The following FAM219A variants were observed in gnomAD, a reference collection of about 807,000 sequenced individuals.
The protein encoded by FAM219A is family with sequence similarity 219 member A, also known as protein FAM219A.
Under a neutral mutation model 23.4 loss-of-function variants are expected in FAM219A, and 7 were observed. That is an observed-to-expected ratio of 0.30 (90% CI 0.17 to 0.56). FAM219A has a LOEUF of 0.56. FAM219A is among the 20% of genes least tolerant of loss of function. The pLI, the probability that FAM219A is intolerant of heterozygous loss-of-function variation, is 0.92. For missense variants in FAM219A, 166 were observed against 246.9 expected (o/e 0.67, Z 2.20); for synonymous variants, 93 against 99.0 (o/e 0.94, Z 0.36).
intron 1 of FAM219A, among the ~76,000 whole-genome samples, chr9:34,423,175 A>G (rs1822341803): frequency 1.3e-5 from 2 of 152,126 alleles, no homozygotes; most frequent in African/African-American, 4.8e-5. Flanking sequence ...TAACAATAAT[A>G]AGGCCCCTGC....
At chr9:34,415,469 A>G (rs1032283153) in intron 1 of FAM219A, among the ~76,000 whole-genome samples, 20 of 152,260 alleles carry the variant, frequency 1.3e-4, no homozygotes, top group African/African-American at 4.6e-4. Context: ...TGTAGCTATG[A>G]AAAGTTTTAT....
At chr9:34,407,093 A>C (rs1821664071) in intron 1 of FAM219A, among the ~76,000 whole-genome samples, 1 of 151,818 alleles carries the variant, frequency 6.6e-6, no homozygotes, top group Non-Finnish European at 1.5e-5. Context: ...GAGCCACCAT[A>C]CCTTGCTAAG....
intron 1 of FAM219A, among the ~76,000 whole-genome samples, chr9:34,441,987 G>T (rs1437677498): frequency 6.6e-6 from 1 of 152,182 alleles, no homozygotes; most frequent in Non-Finnish European, 1.5e-5. Flanking sequence ...GCCACCCAAA[G>T]TGCTGAATTA....
chr9:34,444,274 C>T (rs1288001067), intron 1 of FAM219A, among the ~76,000 whole-genome samples: 3 of 152,146 alleles, frequency 2.0e-5, no homozygotes, highest in South Asian at 2.1e-4. Context: ...GAGAGAATGA[C>T]CTATACATTT....
At chr9:34,447,777 C>T (rs1823423685) in intron 1 of FAM219A, among the ~76,000 whole-genome samples, 1 of 152,178 alleles carries the variant, frequency 6.6e-6, no homozygotes, top group Non-Finnish European at 1.5e-5. Flanking sequence ...TACTCCCTCT[C>T]ACCTGGCCTA....
intron 1 of FAM219A, among the ~76,000 whole-genome samples, chr9:34,421,001 T>TGAGA (rs1330963914): frequency 1.1e-3 from 66 of 60,770 alleles, no homozygotes; most frequent in African/African-American, 4.1e-3. Flanking sequence ...TATGTGTGTG[T>TGAGA]GTGTGTGTGA....
chr9:34,412,888 A>T (rs1821873627), intron 1 of FAM219A, among the ~76,000 whole-genome samples: 1 of 152,170 alleles, frequency 6.6e-6, no homozygotes, highest in African/African-American at 2.4e-5. Context: ...AGAATAGGAG[A>T]TGAAGAAGCA....
intron 1 of FAM219A, among the ~76,000 whole-genome samples, chr9:34,412,619 A>G (rs978549763): frequency 6.8e-6 from 1 of 146,300 alleles, no homozygotes; most frequent in Non-Finnish European, 1.5e-5. Context: ...AAAAAAACCA[A>G]GGGTGAAGTT....
At chr9:34,427,548 G>A (rs897976673) in intron 1 of FAM219A, among the ~76,000 whole-genome samples, 3 of 152,162 alleles carry the variant, frequency 2.0e-5, no homozygotes, top group African/African-American at 7.2e-5. Context: ...TTTAATAAAT[G>A]TTCGTGAAGG....
In FAM219A at chr9:34,416,243, GAAAGAAAGAAA is replaced by G. The variant is rs1564003312; in HGVS notation, c.61-10290_61-10280del. Among the ~76,000 whole-genome samples the G allele has an allele frequency of 8.3e-5, 10 of 120,582 alleles. 1 individual carries two copies. Among genetic ancestry groups the G allele is most frequent in the African/African-American group, 3.1e-4 (10 of 31,914 alleles). The allele number at this position is 120,582 out of a possible 152,430, so 79.1% of individuals were successfully genotyped here. On this transcript the variant is annotated intron_variant, in intron 1 of 5. Transcript: ENST00000651358. ...AGAAAGAAAGAAAGAAAGAAAGAAA[GAAAGAAAGAAA>G]GAAAGGGGGAGGGAGGGAGGGAAGG... is the stretch of plus-strand genomic sequence containing the variant.
Position 34,401,688 on chromosome 9 carries a change from G to A in FAM219A, c.377C>T (p.Ser126Phe). 8.1e-6 allele frequency: 13 copies of A among 1,608,844 alleles called. No individual in the cohort carries two copies. Among genetic ancestry groups the A allele is most frequent in the Non-Finnish European group, 1.0e-5 (12 of 1,178,704 alleles). ...DDDFDMSRYS[S>F]SGYSSAEQIN... is the part of the protein sequence containing the mutation. ...CACCTCAGCAGAGGAGTAGCCGGAG[G>A]AGGAGTATCTAGACATGTCAAAGTC... is the stretch of plus-strand genomic sequence containing the variant. Residue 126 changes from serine to phenylalanine, a missense_variant, in exon 5 of 6, where the codon TCC becomes TTC. By Grantham distance (155) the Ser-to-Phe change is radical. Around this residue, in one of 3 missense-constraint regions of FAM219A, gnomAD observed 72 missense variants for 131.0 expected, o/e 0.55. Coordinates refer to ENST00000651358, the MANE Select transcript of FAM219A (RefSeq NM_001184940.2).
intron 1 of FAM219A, among the ~76,000 whole-genome samples, chr9:34,421,001 T>TGAGAGAGAGAGA (rs1330963914): frequency 6.6e-5 from 4 of 60,808 alleles, no homozygotes; most frequent in African/African-American, 2.7e-4. Flanking sequence ...TATGTGTGTG[T>TGAGAGAGAGAGA]GTGTGTGTGA....
At chr9:34,401,535 C>T (rs1821430418) in intron 5 of FAM219A, 131 bp downstream of exon 5, 1 of 1,036,390 alleles carries the variant, frequency 9.6e-7, no homozygotes, top group Non-Finnish European at 1.4e-6. Context: ...CCAGGCCCAC[C>T]CTGTGCAGGG....
At chr9:34,412,805 C>T (rs1392071730) in intron 1 of FAM219A, among the ~76,000 whole-genome samples, 1 of 152,050 alleles carries the variant, frequency 6.6e-6, no homozygotes, top group Non-Finnish European at 1.5e-5. Context: ...ATAAGAAAGT[C>T]ATAGGTAGTC....
chr9:34,442,141 C>G (rs1203480951), intron 1 of FAM219A, among the ~76,000 whole-genome samples: 2 of 152,204 alleles, frequency 1.3e-5, no homozygotes, highest in East Asian at 3.8e-4. Context: ...GCATACACAT[C>G]ACACCTCAGA....
At chr9:34,437,960 C>T (rs530990887) in intron 1 of FAM219A, among the ~76,000 whole-genome samples, 1 of 151,766 alleles carries the variant, frequency 6.6e-6, no homozygotes, top group Non-Finnish European at 1.5e-5. Flanking sequence ...CTGCGCGTGG[C>T]GCTTGCGGGC....
intron 1 of FAM219A, among the ~76,000 whole-genome samples, chr9:34,446,276 T>C (rs1178129087): frequency 6.6e-6 from 1 of 151,798 alleles, no homozygotes; most frequent in Non-Finnish European, 1.5e-5. Context: ...ACAGGACAGG[T>C]AAATGGAGAG....
At chr9:34,406,046 C>A in intron 1 of FAM219A, 82 bp from the exon 2 acceptor site, 1 of 1,359,060 alleles carries the variant, frequency 7.4e-7, no homozygotes, top group South Asian at 1.4e-5. Flanking sequence ...CTAGCCTTCC[C>A]ACCTGCCCTC....
intron 1 of FAM219A, among the ~76,000 whole-genome samples, chr9:34,430,736 G>A (rs917374428): frequency 6.6e-6 from 1 of 151,978 alleles, no homozygotes; most frequent in Non-Finnish European, 1.5e-5. Flanking sequence ...CAGCTACCCG[G>A]GAGGCTGAGG....
Sources: gnomAD v4.1 joint callset for allele counts (sites outside exome capture counted in the v4.1 genomes callset) on GRCh38, gnomAD v4.1.1 for gene constraint, gnomAD v4.1.1 regional missense constraint, MANE v1.5 for transcripts, NCBI Gene and HGNC (gene_info 2026-07-23, HGNC 2026-07-21) for gene names.